The following SETBP1 variants were observed in gnomAD, a reference collection of about 807,000 sequenced individuals.
The protein encoded by SETBP1 is SET binding protein 1.
A neutral mutation model predicts 101.0 loss-of-function variants in SETBP1; 9 were observed. That is an observed-to-expected ratio of 0.09 (90% CI 0.05 to 0.16). SETBP1 has a LOEUF of 0.16. SETBP1 is among the 10% of genes least tolerant of loss of function. The pLI, the probability that SETBP1 is intolerant of heterozygous loss-of-function variation, is 1.00. For missense variants in SETBP1, 1,858 were observed against 2,033.8 expected, an observed-to-expected ratio of 0.91 and a Z score of 1.66; for synonymous variants, 818 against 788.5, an observed-to-expected ratio of 1.04 and a Z score of -0.63.
chr18:44,936,195 A>G (rs2070952198), intron 3 of SETBP1, among the ~76,000 whole-genome samples: 3 of 152,158 alleles, frequency 2.0e-5, no homozygotes, highest in Non-Finnish European at 4.4e-5. Context: ...CCAGGACCCC[A>G]CTGGAGACCT....
At chr18:44,966,071 T>C (rs1031031378) in intron 4 of SETBP1, among the ~76,000 whole-genome samples, 1 of 152,176 alleles carries the variant, frequency 6.6e-6, no homozygotes, top group African/African-American at 2.4e-5. Flanking sequence ...AATAAATACA[T>C]TAATTATTGG....
At chr18:44,885,841 T>TAAAA (rs2069629383) in intron 3 of SETBP1, among the ~76,000 whole-genome samples, 2 of 17,118 alleles carry the variant, frequency 1.2e-4, no homozygotes, top group South Asian at 2.3e-3. Context: ...GCCCATTTCA[T>TAAAA]TAAAAAAAAA....
chr18:44,738,792 GAAAA>G (rs79424064), intron 2 of SETBP1, among the ~76,000 whole-genome samples: 1 of 137,948 alleles, frequency 7.2e-6, no homozygotes, highest in Admixed American at 7.2e-5. Context: ...AAAAAAAAAA[GAAAA>G]AAGGAAGACG....
chr18:44,842,814 A>T (rs1321855530), intron 2 of SETBP1, among the ~76,000 whole-genome samples: 2 of 152,170 alleles, frequency 1.3e-5, no homozygotes, highest in Non-Finnish European at 2.9e-5. Context: ...TGTTGCCCTC[A>T]ATTTCCATCT....
chr18:44,939,620 A>T (rs1314026137), intron 3 of SETBP1, among the ~76,000 whole-genome samples: 1 of 152,228 alleles, frequency 6.6e-6, no homozygotes, highest in Non-Finnish European at 1.5e-5. Context: ...ACTTTAAAAG[A>T]CATGCTGAGA....
rs10645515 is a variant in SETBP1, at chr18:44,875,527, CAAAAAAAA to C, written c.540+6261_540+6268del. On this transcript the variant is annotated intron_variant, in intron 3 of 5. Coordinates refer to ENST00000649279, the MANE Select transcript of SETBP1 (RefSeq NM_015559.3). ...CTGGCAAGAGAGCAAGACTCCATCT[CAAAAAAAA>C]AAAAAAAAAAAAAAAAGAAGGAGTG... is the stretch of plus-strand genomic sequence containing the variant. Among the ~76,000 whole-genome samples the C allele has an allele frequency of 1.1e-4, 7 of 61,618 alleles. No individual in the cohort carries two copies. In the South Asian group the frequency reaches 2.8e-3, roughly 25 times the overall value. 40.4% of individuals were successfully genotyped at this position (61,618 alleles called of 152,430 possible). A position where few individuals can be genotyped will look rare whatever the true frequency, so the allele number is the denominator to read the frequency against.
intron 2 of SETBP1, among the ~76,000 whole-genome samples, chr18:44,716,931 T>A (rs1407654263): frequency 6.6e-6 from 1 of 152,224 alleles, no homozygotes; most frequent in Non-Finnish European, 1.5e-5. Flanking sequence ...GTTGCTTTCC[T>A]GGACATAACA....
chr18:44,844,843 C>T (rs2072693259), intron 2 of SETBP1, among the ~76,000 whole-genome samples: 1 of 152,116 alleles, frequency 6.6e-6, no homozygotes, highest in Non-Finnish European at 1.5e-5. Context: ...CACAAGCTTC[C>T]TGCACCAGAC....
intron 3 of SETBP1, among the ~76,000 whole-genome samples, chr18:44,914,951 C>T (rs2070392806): frequency 6.6e-6 from 1 of 151,950 alleles, no homozygotes; most frequent in South Asian, 2.1e-4. Flanking sequence ...TTAATACTTT[C>T]ACAGATCATA....
At chr18:45,007,006 C>T (rs149558674) in intron 4 of SETBP1, among the ~76,000 whole-genome samples, 3 of 152,254 alleles carry the variant, frequency 2.0e-5, no homozygotes, top group Middle Eastern at 3.4e-3. Flanking sequence ...GGCTGGTTTG[C>T]GAGAGATTAT....
chr18:44,925,016 T>TG (rs1568219262), intron 3 of SETBP1, among the ~76,000 whole-genome samples: 5 of 139,734 alleles, frequency 3.6e-5, no homozygotes, highest in African/African-American at 5.1e-5. Flanking sequence ...AGTTTTTTTT[T>TG]TTTTTTTTTT....
chr18:44,953,279 C>T lies in SETBP1; in HGVS notation c.3939C>T (p.Asp1313=). The T allele has an allele frequency of 1.2e-6, 2 of 1,614,106 alleles. No homozygotes were observed. Among genetic ancestry groups the T allele is most frequent in the Non-Finnish European group, 8.5e-7 (1 of 1,180,044 alleles). Residue 1313 remains aspartate, a synonymous_variant, in exon 4 of 6, where the codon GAC becomes GAT. Coordinates refer to ENST00000649279, the MANE Select transcript of SETBP1 (RefSeq NM_015559.3). ...YEGFGTYREK[D]IQAFKMNRKE... ...GCTTTGGAACGTACAGGGAAAAGGA[C>T]ATCCAAGCCTTCAAGATGAACCGCA...
intron 1 of SETBP1, among the ~76,000 whole-genome samples, chr18:44,690,753 A>G (rs1477852531): frequency 6.6e-6 from 1 of 152,210 alleles, no homozygotes; most frequent in Non-Finnish European, 1.5e-5. Context: ...ATCAGGGTTA[A>G]ATAGTATAAT....
chr18:45,042,146 CTTTTTT>C (rs556269689), intron 5 of SETBP1, among the ~76,000 whole-genome samples: 1 of 82,688 alleles, frequency 1.2e-5, no homozygotes, highest in African/African-American at 4.8e-5. Context: ...CTTGAAACTG[CTTTTTT>C]TTTTTTTTTT....
chr18:44,913,268 G>A (rs2070353845), intron 3 of SETBP1, among the ~76,000 whole-genome samples: 1 of 152,206 alleles, frequency 6.6e-6, no homozygotes, highest in African/African-American at 2.4e-5. Context: ...TTTGATTATG[G>A]AAGTACAGGG....
Position 45,067,910 on chromosome 18 carries a change from G to A in SETBP1, c.*4212G>A, listed in dbSNP as rs2073989617. ...GAGCTGCCAACTGGTCAACGTGGAAGGGCGGTTCCACCCTAGATTGGTGTC... is the reference window on the plus strand; with the variant it reads ...GAGCTGCCAACTGGTCAACGTGGAAAGGCGGTTCCACCCTAGATTGGTGTC... On this transcript the variant is annotated 3_prime_UTR_variant, in exon 6 of 6. Transcript: ENST00000649279. 6.6e-6 allele frequency: 1 copy of A among 152,086 alleles called. No homozygotes were observed. The allele number at this position is 152,086 out of a possible 1,614,324, so 9.4% of individuals were successfully genotyped here. A position where few individuals can be genotyped will look rare whatever the true frequency, so the allele number is the denominator to read the frequency against.
Position 44,977,685 on chromosome 18 carries a change from G to A in SETBP1, c.4000+24345G>A, listed in dbSNP as rs1287466461. 3.9e-5 allele frequency among the ~76,000 whole-genome samples: 6 copies of A among 152,298 alleles called. No homozygotes were observed. In the East Asian group the frequency reaches 1.2e-3, roughly 29 times the overall value. On this transcript the variant is annotated intron_variant, in intron 4 of 5. Transcript: ENST00000649279. The stretch of plus-strand genomic sequence containing the variant: ...TCTTGTTTCCCAGAATAATCCCATA[G>A]CCTGGGACAGATTTTAGGGATGACA...
At chr18:44,866,991 A>G (rs1279478370) in intron 2 of SETBP1, among the ~76,000 whole-genome samples, 1 of 152,210 alleles carries the variant, frequency 6.6e-6, no homozygotes, top group African/African-American at 2.4e-5. Context: ...CCAGTGTGCT[A>G]TAATTCAGAC....
Position 44,952,895 on chromosome 18 carries a change from C to A in SETBP1, c.3555C>A (p.Ile1185=). The A allele has an allele frequency of 6.2e-7, 1 of 1,614,186 alleles. No homozygotes were observed. Among genetic ancestry groups the A allele is most frequent in the African/African-American group, 1.3e-5 (1 of 75,044 alleles). The part of the protein sequence containing the change: ...AGKATGFSSH[I]LSERLSSADK... ...AAGCCACAGGCTTCTCCAGCCACAT[C>A]CTGAGCGAGCGGCTGAGTAGCGCAG... is the stretch of plus-strand genomic sequence containing the variant. The change falls in exon 4 of 6, where the codon ATC becomes ATA. Residue 1185 remains isoleucine, a synonymous_variant. Transcript: ENST00000649279.
Sources: gnomAD v4.1 joint callset for allele counts (sites outside exome capture counted in the v4.1 genomes callset) on GRCh38, gnomAD v4.1.1 for gene constraint, MANE v1.5 for transcripts, NCBI Gene and HGNC (gene_info 2026-07-23, HGNC 2026-07-21) for gene names.